Variants in TSC1 observed in about 807,000 individuals in gnomAD.
TSC1 encodes hamartin.
In TSC1, 20 loss-of-function variants were observed where a neutral mutation model predicts 124.3. The observed-to-expected ratio is 0.16, with a 90% confidence interval of 0.11 to 0.23. The LOEUF (loss-of-function observed/expected upper bound fraction) is 0.23, where lower values mean the gene tolerates loss of function less well. TSC1 is among the 10% of genes least tolerant of loss of function. TSC1 has a pLI of 1.00. For synonymous variants in TSC1, 493 were observed against 539.1 expected, an observed-to-expected ratio of 0.91 and a Z score of 1.19; for missense variants, 1,124 against 1,448.5, an observed-to-expected ratio of 0.78 and a Z score of 3.64.
chr9:132,917,883 C>T lies in TSC1; in HGVS notation c.737+3480G>A, dbSNP rs75980018. On this transcript the variant is annotated intron_variant, in intron 8 of 22. Transcript: ENST00000298552. Reference sequence around the variant, plus strand: ...ATCCTGATGCTTACATATGCACAAACATCTTATCTCTGTGGCTATGGTAGA... The same window carrying T: ...ATCCTGATGCTTACATATGCACAAATATCTTATCTCTGTGGCTATGGTAGA... Among the ~76,000 whole-genome samples the T allele has an allele frequency of 1.9e-3, 283 of 152,278 alleles. 1 individual carries two copies. Among genetic ancestry groups the T allele is most frequent in the African/African-American group, 6.5e-3 (272 of 41,558 alleles).
At chr9:132,935,633 C>T (rs1179363889) in intron 1 of TSC1, among the ~76,000 whole-genome samples, 5 of 152,200 alleles carry the variant, frequency 3.3e-5, no homozygotes, top group Non-Finnish European at 5.9e-5. Context: ...GTGAGAGGCA[C>T]AAAGCACTGA....
chr9:132,905,220 C>G (rs954998517), intron 15 of TSC1, among the ~76,000 whole-genome samples: 1 of 152,172 alleles, frequency 6.6e-6, no homozygotes, highest in African/African-American at 2.4e-5. Flanking sequence ...GAGGGAAACA[C>G]TGTGACAAAT....
chr9:132,943,362 C>A (rs533518312), intron 1 of TSC1: 2 of 152,288 alleles, frequency 1.3e-5, no homozygotes, highest in East Asian at 3.9e-4. Flanking sequence ...ACACTGCCAT[C>A]CCAAACAAAA....
chr9:132,932,484 G>C (rs1847253985), intron 2 of TSC1, among the ~76,000 whole-genome samples: 1 of 152,086 alleles, frequency 6.6e-6, no homozygotes. Flanking sequence ...AAATTCATTT[G>C]CCTCCAAATA....
chr9:132,927,521 C>CTTTTTTTTTTT (rs57259325), intron 3 of TSC1, among the ~76,000 whole-genome samples: 1 of 103,928 alleles, frequency 9.6e-6, no homozygotes, highest in East Asian at 2.7e-4. Flanking sequence ...TTTTTATTGC[C>CTTTTTTTTTTT]TTTTTTTTTT....
chr9:132,937,696 T>G (rs563266569), intron 1 of TSC1, among the ~76,000 whole-genome samples: 2 of 152,150 alleles, frequency 1.3e-5, no homozygotes, highest in South Asian at 2.1e-4. Context: ...GGTTTTGTTG[T>G]TGGTGGTTGG....
At position 132,896,685 on chromosome 9, in the gene TSC1, G is replaced by C. The variant is rs759047948; in HGVS notation, c.3045C>G (p.Asn1015Lys). ...VGHNEEASGH[N>K]GETKTPRPSS... ...TGGGCCTGGGGGTCTTGGTCTCACC[G>C]TTGTGGCCAGATGCCTCTTCATTGT... The change falls in exon 23 of 23, where the codon AAC becomes AAG. Residue 1015 changes from asparagine to lysine, a missense_variant. Physicochemically the swap from Asn to Lys is moderately conservative, Grantham distance 94. Transcript: ENST00000298552. This position sits in a 1 kb window ranked among gnomAD's most constrained non-coding sequence, Gnocchi z 4.5. 1 of 1,614,034 alleles carries C rather than the reference G, an allele frequency of 6.2e-7. No homozygotes were observed. Among genetic ancestry groups the C allele is most frequent in the South Asian group, 1.1e-5 (1 of 91,082 alleles).
intron 8 of TSC1, among the ~76,000 whole-genome samples, chr9:132,914,703 CAA>C (rs11334240): frequency 8.9e-4 from 102 of 114,254 alleles, no homozygotes; most frequent in African/African-American, 2.4e-3. Flanking sequence ...AAAAAAAATA[CAA>C]AAAAAAAAAA....
intron 15 of TSC1, 71 bp from the exon 16 acceptor site, chr9:132,904,525 T>G (rs1447507568): frequency 2.8e-5 from 42 of 1,478,424 alleles, no homozygotes; most frequent in Non-Finnish European, 9.4e-7. Context: ...GACTTTTATT[T>G]GCAGCAAAGT....
At position 132,906,128 on chromosome 9, in the gene TSC1, T is replaced by C; in HGVS notation, c.1450A>G (p.Arg484Gly). Reference protein sequence around the residue: ...EKDKEEAAISRELSEITTAEA... With the variant: ...EKDKEEAAISGELSEITTAEA... ...GCTGTGGTGATCTCAGAAAGTTCTC[T>C]AGATATTGCAGCTGAGAGGAAGAGA... The change falls in exon 15 of 23, where the codon AGA (arginine) becomes GGA (glycine). Residue 484 changes from arginine (R) to glycine (G), a missense_variant. This residue lies in a region of TSC1 where 463 missense variants were observed against 606.8 expected (regional missense o/e 0.76). Transcript: ENST00000298552. The surrounding 1 kb of genome is among the most constrained non-coding windows in gnomAD (Gnocchi z 4.1). 1 of 1,612,926 alleles carries C rather than the reference T, an allele frequency of 6.2e-7. No individual in the cohort carries two copies. The highest frequency in any genetic ancestry group is 8.5e-7 in the Non-Finnish European group (1 of 1,179,820).
At chr9:132,931,645 A>G (rs1290284429) in intron 2 of TSC1, among the ~76,000 whole-genome samples, 1 of 152,164 alleles carries the variant, frequency 6.6e-6, no homozygotes, top group African/African-American at 2.4e-5. Flanking sequence ...GACATTCTAA[A>G]AAGCCCTCCT....
Position 132,891,632 on chromosome 9 carries a change from GAC to G in TSC1, c.*4601_*4602del, listed in dbSNP as rs1844775169. 1 of 233,444 alleles carries G rather than the reference GAC, an allele frequency of 4.3e-6. No individual in the cohort carries two copies. The highest frequency in any genetic ancestry group is 1.8e-4 in the South Asian group (1 of 5,522). 14.5% of individuals were successfully genotyped at this position (233,444 alleles called of 1,614,324 possible). On this transcript the variant is annotated 3_prime_UTR_variant, in exon 23 of 23. Coordinates refer to ENST00000298552, the MANE Select transcript of TSC1 (RefSeq NM_000368.5). ...AAAAATCAGTTTCTTTCACTGATGG[GAC>G]CCCTTTAAACTGCAAGTTTGCCACA...
At chr9:132,907,764 A>G (rs567221118) in intron 12 of TSC1, among the ~76,000 whole-genome samples, 181 of 151,886 alleles carry the variant, frequency 1.2e-3, no homozygotes, top group African/African-American at 4.2e-3. Flanking sequence ...TGCTGGGACC[A>G]CGCCCAGCAG....
Position 132,906,306 on chromosome 9 carries a change from G to C in TSC1, c.1439-167C>G, listed in dbSNP as rs1845668322. 6.5e-6 allele frequency: 5 copies of C among 767,938 alleles called. No individual in the cohort carries two copies. The highest frequency in any genetic ancestry group is 1.1e-5 in the Non-Finnish European group (5 of 454,068). The allele number at this position is 767,938 out of a possible 1,614,324, so 47.6% of individuals were successfully genotyped here. On this transcript the variant is annotated intron_variant, in intron 14 of 22. Coordinates refer to ENST00000298552, the MANE Select transcript of TSC1 (RefSeq NM_000368.5). This position sits in a 1 kb window ranked among gnomAD's most constrained non-coding sequence, Gnocchi z 4.1. The stretch of plus-strand genomic sequence containing the variant: ...CACGCCTGTAATGCCAGAACTTTGG[G>C]AGGCTGAGGAGGGAGGATCACTTGA...
chr9:132,900,895 C>T (rs745629531), intron 19 of TSC1, 58 bp from the exon 20 acceptor site: 111 of 1,611,098 alleles, frequency 6.9e-5, no homozygotes, highest in Non-Finnish European at 8.6e-5. Context: ...AGCACATAGA[C>T]GTCATTAAAC....
At chr9:132,901,131 C>A (rs1554814522) in intron 19 of TSC1, among the ~76,000 whole-genome samples, 1 of 152,228 alleles carries the variant, frequency 6.6e-6, no homozygotes, top group African/African-American at 2.4e-5. Flanking sequence ...AGGTATACCA[C>A]CAAGGCCCAG....
At chr9:132,916,979 A>ATT (rs1389231312) in intron 8 of TSC1, among the ~76,000 whole-genome samples, 4 of 152,220 alleles carry the variant, frequency 2.6e-5, no homozygotes, top group African/African-American at 9.7e-5. Flanking sequence ...GACATATGGG[A>ATT]AGGAAATTTG....
chr9:132,943,682 T>C (rs936668608), intron 1 of TSC1: 7 of 152,198 alleles, frequency 4.6e-5, no homozygotes, highest in Admixed American at 3.9e-4. Flanking sequence ...AAGGAGATAA[T>C]GACTGCCAAG....
At chr9:132,943,468 A>T (rs1328828293) in intron 1 of TSC1, 1 of 152,214 alleles carries the variant, frequency 6.6e-6, no homozygotes, top group Admixed American at 6.5e-5. Context: ...AATCACTTAC[A>T]GGCCAGCTTT....
Sources: allele counts gnomAD v4.1 joint callset (sites outside exome capture counted in the v4.1 genomes callset), GRCh38; gene constraint gnomAD v4.1.1; regional missense constraint gnomAD v4.1.1; non-coding constraint Gnocchi (gnomAD v3.1); transcripts MANE v1.5; gene names NCBI Gene and HGNC (gene_info 2026-07-23, HGNC 2026-07-21).